SCUBE1: variants seen among roughly 807,000 people sequenced by gnomAD.
SCUBE1 encodes signal peptide, CUB and EGF-like domain-containing protein 1.
In SCUBE1, 59 loss-of-function variants were observed where a neutral mutation model predicts 124.4. The ratio of observed to expected loss-of-function variants is 0.47; its 90% CI spans 0.38 to 0.59. SCUBE1 has a LOEUF of 0.59. SCUBE1 is among the 20% of genes least tolerant of loss of function. The pLI is 0.00. For synonymous variants in SCUBE1, 545 were observed against 550.9 expected, an observed-to-expected ratio of 0.99 and a Z score of 0.15; for missense variants, 1,150 against 1,371.2, an observed-to-expected ratio of 0.84 and a Z score of 2.55.
intron 21 of SCUBE1, among the ~76,000 whole-genome samples, chr22:43,206,651 A>AAAG (rs6482): frequency 0.64 from 96,222 of 150,830 alleles, 31,769 homozygotes; most frequent in Middle Eastern, 0.74. Flanking sequence ...GAGGTGGGGG[A>AAAG]AAGAAGGGGC....
chr22:43,325,332 A>G (rs755854521), intron 2 of SCUBE1, among the ~76,000 whole-genome samples: 1 of 151,630 alleles, frequency 6.6e-6, no homozygotes, highest in South Asian at 2.1e-4. Flanking sequence ...AATCCCAGCT[A>G]CTCGGGAGGC....
In SCUBE1 at chr22:43,210,206, G is replaced by A. The variant is rs151158613; in HGVS notation, c.2418C>T (p.Thr806=). ...GGTAGTTGGGGGACTCGATGTAGCC[G>A]GTGTAGTCACCAAGCTCGCCGCCGC... is the stretch of plus-strand genomic sequence containing the variant. ...QHCGGELGDY[T]GYIESPNYPG... The change falls in exon 19 of 22, where the codon ACC becomes ACT. Residue 806 remains threonine (T), a synonymous_variant. Transcript: ENST00000360835. The surrounding 1 kb of genome is among the most constrained non-coding windows in gnomAD (Gnocchi z 4.5). 5,377 of 1,584,144 alleles carry A rather than the reference G, an allele frequency of 3.4e-3. 15 individuals carry two copies. The highest frequency in any genetic ancestry group is 4.0e-3 in the Non-Finnish European group (4,691 of 1,165,174).
Position 43,214,228 on chromosome 22 carries a change from A to C in SCUBE1, c.1915T>G (p.Phe639Val). The stretch of plus-strand genomic sequence containing the variant: ...ACACACTGGCCGAGCTCACCACCGA[A>C]GTGGGTGCCAGGCCCACAGGCAACT... ...KCVACGPGTH[F>V]GGELGQCVSC... The change falls in exon 16 of 22, where the codon TTC (phenylalanine) becomes GTC (valine). Residue 639 changes from phenylalanine to valine, a missense_variant. Coordinates refer to ENST00000360835, the MANE Select transcript of SCUBE1 (RefSeq NM_173050.5). The C allele has an allele frequency of 6.2e-7, 1 of 1,612,478 alleles. No individual in the cohort carries two copies. Among genetic ancestry groups the C allele is most frequent in the Non-Finnish European group, 8.5e-7 (1 of 1,179,594 alleles).
intron 19 of SCUBE1, among the ~76,000 whole-genome samples, chr22:43,209,763 C>T (rs7287848): frequency 0.084 from 12,724 of 152,284 alleles, 860 homozygotes; most frequent in African/African-American, 0.18. Flanking sequence ...GGGCCCGGCT[C>T]GTGGCCGGAG....
Position 43,299,989 on chromosome 22 carries a change from T to C in SCUBE1, c.350-8809A>G, listed in dbSNP as rs1925706652. Among the ~76,000 whole-genome samples the C allele has an allele frequency of 2.0e-5, 3 of 152,252 alleles. No individual in the cohort carries two copies. The South Asian group carries it at 6.2e-4, about 31-fold the overall frequency. ...CCTTTTACGGCTGAACAGTATTCTATTGCATGGACAGACCACATTTCATGT... is the reference window on the plus strand; with the variant it reads ...CCTTTTACGGCTGAACAGTATTCTACTGCATGGACAGACCACATTTCATGT... On this transcript the variant is annotated intron_variant, in intron 3 of 21. Coordinates refer to ENST00000360835, the MANE Select transcript of SCUBE1 (RefSeq NM_173050.5).
intron 10 of SCUBE1, among the ~76,000 whole-genome samples, chr22:43,225,715 T>A (rs1194019986): frequency 6.6e-6 from 1 of 152,018 alleles, no homozygotes; most frequent in Non-Finnish European, 1.5e-5. Flanking sequence ...TGTTTCTTTC[T>A]GAGAAACTAA....
chr22:43,212,958 G>A (rs1435326998), intron 16 of SCUBE1, among the ~76,000 whole-genome samples: 4 of 152,124 alleles, frequency 2.6e-5, no homozygotes, highest in South Asian at 2.1e-4. Flanking sequence ...AGGCTGCACC[G>A]GGGTCTCCGC....
chr22:43,207,579 G>A lies in SCUBE1; in HGVS notation c.2769C>T (p.Arg923=), dbSNP rs201681235. Residue 923 remains arginine (R), a synonymous_variant, in exon 21 of 22, where the codon CGC becomes CGT. Coordinates refer to ENST00000360835, the MANE Select transcript of SCUBE1 (RefSeq NM_173050.5). ...DYQQLIEDIV[R]DGRLYASENH... is the part of the protein sequence containing the mutation. ...TCTCCGAGGCGTACAGGCGCCCATC[G>A]CGCACGATGTCCTCTATGAGTTGCT... The A allele has an allele frequency of 2.2e-5, 36 of 1,613,948 alleles. No individual in the cohort carries two copies. The highest frequency in any genetic ancestry group is 7.7e-5 in the South Asian group (7 of 91,092).
In SCUBE1 at chr22:43,202,786, C is replaced by T. The variant is rs554459288; in HGVS notation, c.*1211G>A. ...TGTGAATGGGGGTGGCATGGCGTAG[C>T]AAGAGGAGGCTGCACTGGGAGCCTG... On this transcript the variant is annotated 3_prime_UTR_variant, in exon 22 of 22. Coordinates refer to ENST00000360835, the MANE Select transcript of SCUBE1 (RefSeq NM_173050.5). 3.9e-5 allele frequency: 6 copies of T among 152,364 alleles called. No homozygotes were observed. The East Asian group carries it at 9.6e-4, about 24-fold the overall frequency. The allele number at this position is 152,364 out of a possible 1,614,324, so 9.4% of individuals were successfully genotyped here. A position where few individuals can be genotyped will look rare whatever the true frequency, so the allele number is the denominator to read the frequency against.
Position 43,210,205 on chromosome 22 carries a change from C to A in SCUBE1, c.2419G>T (p.Gly807Cys). ...HCGGELGDYTGYIESPNYPGD... is the reference protein window; with the variant it reads ...HCGGELGDYTCYIESPNYPGD... The stretch of plus-strand genomic sequence containing the variant: ...GGGTAGTTGGGGGACTCGATGTAGC[C>A]GGTGTAGTCACCAAGCTCGCCGCCG... The change falls in exon 19 of 22, where the codon GGC becomes TGC. Residue 807 changes from glycine to cysteine, a missense_variant. Gly to Cys is a radical substitution (Grantham distance 159). Around this residue, in one of 3 missense-constraint regions of SCUBE1, gnomAD observed 757 missense variants for 840.9 expected, o/e 0.90. Transcript: ENST00000360835. This position sits in a 1 kb window ranked among gnomAD's most constrained non-coding sequence, Gnocchi z 4.5. 2 of 1,585,014 alleles carry A rather than the reference C, an allele frequency of 1.3e-6. No individual in the cohort carries two copies. Among genetic ancestry groups the A allele is most frequent in the Non-Finnish European group, 8.6e-7 (1 of 1,165,578 alleles).
At position 43,219,816 on chromosome 22, in the gene SCUBE1, T is replaced by G. The variant is rs553306617; in HGVS notation, c.1687+634A>C. Among the ~76,000 whole-genome samples the G allele has an allele frequency of 3.3e-5, 5 of 151,918 alleles. No homozygotes were observed. The East Asian group carries it at 9.7e-4, about 29-fold the overall frequency. On this transcript the variant is annotated intron_variant, in intron 14 of 21. Coordinates refer to ENST00000360835, the MANE Select transcript of SCUBE1 (RefSeq NM_173050.5). ...TAAGCCCTCCCGTGGGGGGCAGACC[T>G]CAGTTCTATGCATTGTTTGTTCTTG...
rs774844243 is a variant in SCUBE1 at position 43,258,352 on chromosome 22, T to C, written c.611-17A>G. On this transcript the variant is annotated splice_polypyrimidine_tract_variant and intron_variant, in intron 5 of 21. Coordinates refer to ENST00000360835, the MANE Select transcript of SCUBE1 (RefSeq NM_173050.5). The surrounding 1 kb of genome is among the most constrained non-coding windows in gnomAD (Gnocchi z 5.0). ...TACAGGTTACTAGTTAGGCCCAAAG[T>C]GTACACACGGGTGTATAAACAGAAC... 3.2e-6 allele frequency: 5 copies of C among 1,549,210 alleles called. No individual in the cohort carries two copies. Among genetic ancestry groups the C allele is most frequent in the Non-Finnish European group, 4.5e-6 (5 of 1,120,920 alleles).
chr22:43,212,502 G>A lies in SCUBE1; in HGVS notation c.2144C>T (p.Thr715Ile). Residue 715 changes from threonine (T) to isoleucine (I), a missense_variant, in exon 17 of 22, where the codon ACC becomes ATC. Around this residue, in one of 3 missense-constraint regions of SCUBE1, gnomAD observed 757 missense variants for 840.9 expected, o/e 0.90. Coordinates refer to ENST00000360835, the MANE Select transcript of SCUBE1 (RefSeq NM_173050.5). ...VGTYQPEPGR[T>I]GCFPCGGGLL... ...ACCCCCTCCACAGGGGAAGCAGCCG[G>A]TGCGCCCGGGCTCAGGCTGGTACGT... is the stretch of plus-strand genomic sequence containing the variant. The A allele has an allele frequency of 6.4e-7, 1 of 1,556,596 alleles. No individual in the cohort carries two copies. The highest frequency in any genetic ancestry group is 8.7e-7 in the Non-Finnish European group (1 of 1,150,308).
chr22:43,268,725 G>A (rs1924173010), intron 4 of SCUBE1, among the ~76,000 whole-genome samples: 1 of 152,258 alleles, frequency 6.6e-6, no homozygotes, highest in Non-Finnish European at 1.5e-5. Flanking sequence ...CAGTCTCTGG[G>A]TGAGTGAGGT....
rs181602606 is a variant in SCUBE1 at position 43,203,897 on chromosome 22, G to A, written c.*100C>T. On this transcript the variant is annotated 3_prime_UTR_variant, in exon 22 of 22. Coordinates refer to ENST00000360835, the MANE Select transcript of SCUBE1 (RefSeq NM_173050.5). ...GCTTCCCTGAAGGGCAGTGCCATGG[G>A]GTTCCCAAGGTGGTGTGGAGGCCCA... 1,482 of 1,301,146 alleles carry A rather than the reference G, an allele frequency of 1.1e-3. 5 individuals carry two copies. The highest frequency in any genetic ancestry group is 1.5e-3 in the Non-Finnish European group (1,362 of 922,738). The allele number at this position is 1,301,146 out of a possible 1,614,324, so 80.6% of individuals were successfully genotyped here.
intron 6 of SCUBE1, among the ~76,000 whole-genome samples, chr22:43,248,470 A>G (rs1923307614): frequency 6.6e-6 from 1 of 152,164 alleles, no homozygotes; most frequent in East Asian, 1.9e-4. Flanking sequence ...ACTTCCCCCT[A>G]CAAGCCCCAG....
Position 43,227,433 on chromosome 22 carries a change from C to G in SCUBE1, c.1148G>C (p.Ser383Thr). 1 of 1,613,270 alleles carries G rather than the reference C, an allele frequency of 6.2e-7. No homozygotes were observed. Among genetic ancestry groups the G allele is most frequent in the Non-Finnish European group, 8.5e-7 (1 of 1,179,916 alleles). The change falls in exon 10 of 22, where the codon AGC (serine) becomes ACC (threonine). Residue 383 changes from serine (S) to threonine (T), a missense_variant. By Grantham distance (58) the Ser-to-Thr change is moderately conservative (BLOSUM62 1). Around this residue, in one of 3 missense-constraint regions of SCUBE1, gnomAD observed 757 missense variants for 840.9 expected, o/e 0.90. Transcript: ENST00000360835. Reference protein sequence around the residue: ...CDQGCVNTKGSYECVCPPGRR... With the variant: ...CDQGCVNTKGTYECVCPPGRR... ...CCCCGGGGGACAGACGCACTCGTAG[C>G]TGCCCTTGGTGTTGACGCAGCCCTG... is the stretch of plus-strand genomic sequence containing the variant.
At chr22:43,277,076 G>A (rs894763334) in intron 4 of SCUBE1, among the ~76,000 whole-genome samples, 4 of 151,716 alleles carry the variant, frequency 2.6e-5, no homozygotes, top group East Asian at 1.9e-4. Flanking sequence ...GGTGGAGGCC[G>A]AATGAGACAG....
At chr22:43,327,841 G>C (rs916589301) in intron 2 of SCUBE1, among the ~76,000 whole-genome samples, 5 of 152,214 alleles carry the variant, frequency 3.3e-5, no homozygotes, top group African/African-American at 1.2e-4. Flanking sequence ...TGTGGTAGTG[G>C]ACTGGCAATG....
Sources: allele counts gnomAD v4.1 joint callset (sites outside exome capture counted in the v4.1 genomes callset), GRCh38; gene constraint gnomAD v4.1.1; regional missense constraint gnomAD v4.1.1; non-coding constraint Gnocchi (gnomAD v3.1); transcripts MANE v1.5; gene names NCBI Gene and HGNC (gene_info 2026-07-23, HGNC 2026-07-21).